The following ZBTB20 variants were observed in gnomAD, a reference collection of about 807,000 sequenced individuals.
ZBTB20 encodes the protein zinc finger and BTB domain-containing protein 20.
Under a neutral mutation model 56.9 loss-of-function variants are expected in ZBTB20, and 9 were observed. That is an observed-to-expected ratio of 0.16 (90% CI 0.10 to 0.28). The LOEUF is 0.28. Ranked by LOEUF, ZBTB20 falls within the 10% of genes least tolerant of loss-of-function variation. ZBTB20 has a pLI of 1.00. For synonymous variants in ZBTB20, 417 were observed against 420.7 expected (o/e 0.99, Z 0.11); for missense variants, 655 against 1,003.0 (o/e 0.65, Z 4.69).
intron 7 of ZBTB20, among the ~76,000 whole-genome samples, chr3:114,469,076 G>C (rs1030184951): frequency 6.7e-6 from 1 of 149,282 alleles, no homozygotes; most frequent in South Asian, 2.1e-4. Context: ...AACCTTAAAG[G>C]TTGGCTCAAA....
intron 5 of ZBTB20, among the ~76,000 whole-genome samples, chr3:114,736,094 G>A (rs760711830): frequency 6.6e-6 from 1 of 152,112 alleles, no homozygotes; most frequent in Non-Finnish European, 1.5e-5. Flanking sequence ...TAAAGGTAAA[G>A]GATACACCGG....
chr3:115,086,021 A>G (rs1203874118), intron 1 of ZBTB20, among the ~76,000 whole-genome samples: 1 of 151,888 alleles, frequency 6.6e-6, no homozygotes, highest in East Asian at 1.9e-4. Context: ...TCTATTTTTT[A>G]GTCTTAATTT....
At chr3:114,901,850 T>G (rs2075132935) in intron 3 of ZBTB20, among the ~76,000 whole-genome samples, 1 of 152,086 alleles carries the variant, frequency 6.6e-6, no homozygotes, top group Non-Finnish European at 1.5e-5. Flanking sequence ...AACAAAGAAT[T>G]AAGAGTGATT....
chr3:115,143,651 A>G (rs955338484), intron 1 of ZBTB20, among the ~76,000 whole-genome samples: 3 of 152,214 alleles, frequency 2.0e-5, no homozygotes, highest in Non-Finnish European at 4.4e-5. Flanking sequence ...CTATGTAGGA[A>G]TTTTATAGTA....
chr3:114,809,612 C>G (rs1049029211), intron 4 of ZBTB20, among the ~76,000 whole-genome samples: 2 of 151,968 alleles, frequency 1.3e-5, no homozygotes, highest in African/African-American at 4.8e-5. Context: ...TTATTTTGAA[C>G]ATATTTATAA....
intron 5 of ZBTB20, among the ~76,000 whole-genome samples, chr3:114,740,844 A>G (rs2066517655): frequency 1.3e-5 from 2 of 152,196 alleles, no homozygotes; most frequent in Admixed American, 1.3e-4. Flanking sequence ...ATTTCCATTG[A>G]TTTGTCCAGA....
chr3:114,381,478 CCAAACTG>C (rs2084339280), intron 8 of ZBTB20, among the ~76,000 whole-genome samples: 1 of 152,134 alleles, frequency 6.6e-6, no homozygotes, highest in South Asian at 2.1e-4. Context: ...TAGACCACAG[CCAAACTG>C]GTTTATTAGT....
At position 114,753,389 on chromosome 3, in the gene ZBTB20, ATG is replaced by A. The variant is rs2067738618; in HGVS notation, c.-343+47710_-343+47711del. Among the ~76,000 whole-genome samples, 7 of 30,168 alleles carry A rather than the reference ATG, an allele frequency of 2.3e-4. 3 individuals carry two copies. The highest frequency in any genetic ancestry group is 2.8e-3 in the South Asian group (2 of 706). 19.8% of individuals were successfully genotyped at this position (30,168 alleles called of 152,430 possible). ...GTATATATAATGTATATACACATAC[ATG>A]TATGTATATATATACACACACGTAT... On this transcript the variant is annotated intron_variant, in intron 5 of 11. Coordinates refer to ENST00000675478, the MANE Select transcript of ZBTB20 (RefSeq NM_001348800.3).
intron 1 of ZBTB20, among the ~76,000 whole-genome samples, chr3:115,129,161 G>C (rs568772540): frequency 3.9e-5 from 6 of 152,118 alleles, no homozygotes; most frequent in Non-Finnish European, 8.8e-5. Context: ...TGGAAGAATA[G>C]AGAATCTGAA....
intron 3 of ZBTB20, among the ~76,000 whole-genome samples, chr3:114,969,662 T>C (rs551312055): frequency 6.6e-6 from 1 of 152,362 alleles, no homozygotes; most frequent in Admixed American, 6.5e-5. Context: ...AAATACTCTA[T>C]AACCAGGTAC....
intron 2 of ZBTB20, among the ~76,000 whole-genome samples, chr3:115,005,536 T>C (rs990704580): frequency 5.3e-5 from 8 of 151,830 alleles, no homozygotes; most frequent in Non-Finnish European, 8.8e-5. Context: ...TCCTACCTTA[T>C]GTCAGGTACT....
intron 3 of ZBTB20, among the ~76,000 whole-genome samples, chr3:114,956,548 T>C (rs778888842): frequency 6.6e-6 from 1 of 152,210 alleles, no homozygotes; most frequent in African/African-American, 2.4e-5. Context: ...TTAATTTGTA[T>C]AATCACTTCA....
intron 7 of ZBTB20, among the ~76,000 whole-genome samples, chr3:114,397,193 A>C (rs78847165): frequency 0.038 from 5,720 of 152,226 alleles, 165 homozygotes; most frequent in Non-Finnish European, 0.051. Flanking sequence ...TCCCACTCTC[A>C]GAACAAAAGG....
intron 6 of ZBTB20, among the ~76,000 whole-genome samples, chr3:114,651,776 C>T (rs375064599): frequency 8.6e-5 from 13 of 151,980 alleles, no homozygotes; most frequent in African/African-American, 2.4e-4. Context: ...CCCAAGCGTT[C>T]GACTGTCCAA....
chr3:114,744,257 C>T (rs1199417445), intron 5 of ZBTB20, among the ~76,000 whole-genome samples: 1 of 152,264 alleles, frequency 6.6e-6, no homozygotes, highest in East Asian at 1.9e-4. Flanking sequence ...TGCAATTGCC[C>T]AGTCCTCTCT....
chr3:114,717,589 T>G (rs2064574780), intron 5 of ZBTB20, among the ~76,000 whole-genome samples: 1 of 152,112 alleles, frequency 6.6e-6, no homozygotes, highest in African/African-American at 2.4e-5. Flanking sequence ...AAACCTACCA[T>G]GTTTGTGTAT....
intron 2 of ZBTB20, among the ~76,000 whole-genome samples, chr3:115,009,475 G>A (rs537106508): frequency 1.1e-4 from 16 of 151,774 alleles, no homozygotes; most frequent in Admixed American, 5.9e-4. Flanking sequence ...AAATAATTAC[G>A]TTCTATCACA....
intron 4 of ZBTB20, among the ~76,000 whole-genome samples, chr3:114,826,429 A>T (rs1458329441): frequency 6.6e-6 from 1 of 151,814 alleles, no homozygotes; most frequent in Non-Finnish European, 1.5e-5. Flanking sequence ...TTCAAATTAG[A>T]CATCAGCATT....
chr3:114,933,838 C>T lies in ZBTB20; in HGVS notation c.-455-33496G>A, dbSNP rs143590701. Among the ~76,000 whole-genome samples the T allele has an allele frequency of 2.5e-3, 384 of 152,232 alleles. 2 individuals carry two copies. The highest frequency in any genetic ancestry group is 3.9e-3 in the Admixed American group (60 of 15,292). ...TATTTTACATCTATTTCAAAACTTC[C>T]CACTTTTATTAAATCTTCTATTCCA... On this transcript the variant is annotated intron_variant, in intron 3 of 11. Coordinates refer to ENST00000675478, the MANE Select transcript of ZBTB20 (RefSeq NM_001348800.3).
Sources: gnomAD v4.1 joint callset for allele counts (sites outside exome capture counted in the v4.1 genomes callset) on GRCh38, gnomAD v4.1.1 for gene constraint, MANE v1.5 for transcripts, NCBI Gene and HGNC (gene_info 2026-07-23, HGNC 2026-07-21) for gene names.